Variants in OR10J1 observed in about 807,000 individuals in gnomAD.
The protein encoded by OR10J1 is olfactory receptor family 10 subfamily J member 1, also known as olfactory receptor 10J1.
For synonymous variants in OR10J1, 202 were observed against 143.8 expected (o/e 1.40, Z -2.89); for missense variants, 474 against 376.6 (o/e 1.26, Z -2.14).
chr1:159,406,416 G>A, the OR10J1 span: 2 of 386,940 alleles, frequency 5.2e-6, no homozygotes, highest in Admixed American at 2.9e-5. Flanking sequence ...AGACAGAGGT[G>A]AGGCTCCAAC....
chr1:159,412,156 A>T, the OR10J1 span, among the ~76,000 whole-genome samples: 2 of 152,046 alleles, frequency 1.3e-5, no homozygotes, highest in Non-Finnish European at 2.9e-5. Context: ...CTTCAAGGAG[A>T]ACTACAAACC....
chr1:159,433,203 A>G, upstream of OR10J1: 1 of 397,684 alleles, frequency 2.5e-6, no homozygotes. Context: ...TGAGAGGGAC[A>G]ATAAGATGAG....
chr1:159,423,002 C>A, the OR10J1 span, among the ~76,000 whole-genome samples: 1 of 152,142 alleles, frequency 6.6e-6, no homozygotes, highest in Admixed American at 6.5e-5. Flanking sequence ...TAATTATATA[C>A]TCACTAATTT....
At chr1:159,417,055 G>C in the OR10J1 span, among the ~76,000 whole-genome samples, 3 of 151,034 alleles carry the variant, frequency 2.0e-5, no homozygotes, top group Non-Finnish European at 3.0e-5. Flanking sequence ...TTGTTTTTTA[G>C]GTCTCTATTT....
rs1403857113 is a variant in OR10J1 at position 159,439,833 on chromosome 1, C to T, written c.42C>T (p.Phe14=). The T allele has an allele frequency of 6.2e-7, 1 of 1,614,038 alleles. No individual in the cohort carries two copies. Among genetic ancestry groups the T allele is most frequent in the African/African-American group, 1.3e-5 (1 of 74,910 alleles). Residue 14 remains phenylalanine, a synonymous_variant, in exon 1 of 1, where the codon TTC becomes TTT. Transcript: ENST00000423932. The part of the protein sequence containing the change: ...ENFTLITDFV[F]QGFSSFHEQQ... ...TTACTCTCATCACTGACTTTGTTTTCCAAGGTTTCTCTAGCTTCCATGAGC... is the reference window on the plus strand; with the variant it reads ...TTACTCTCATCACTGACTTTGTTTTTCAAGGTTTCTCTAGCTTCCATGAGC...
the OR10J1 span, among the ~76,000 whole-genome samples, chr1:159,416,075 T>C: frequency 6.6e-6 from 1 of 151,664 alleles, no homozygotes; most frequent in Non-Finnish European, 1.5e-5. Context: ...ATTTAAGAGG[T>C]TTTTTTTGGT....
chr1:159,413,723 A>C, the OR10J1 span, among the ~76,000 whole-genome samples: 1 of 151,310 alleles, frequency 6.6e-6, no homozygotes, highest in East Asian at 1.9e-4. Context: ...TAGCATTAGG[A>C]GATATACCTA....
At chr1:159,400,328 A>G in the OR10J1 span, among the ~76,000 whole-genome samples, 1 of 151,956 alleles carries the variant, frequency 6.6e-6, no homozygotes. Flanking sequence ...TTTGCCTACA[A>G]AAAACACTTC....
chr1:159,399,570 CAAAAAAAAAAAAAA>C, the OR10J1 span, among the ~76,000 whole-genome samples: 26 of 56,104 alleles, frequency 4.6e-4, no homozygotes, highest in African/African-American at 1.7e-3. Flanking sequence ...GATTCTGTCT[CAAAAAAAAAAAAAA>C]AAAAAAAAAA....
chr1:159,436,169 T>G (rs4128725), upstream of OR10J1, among the ~76,000 whole-genome samples: 1 of 151,976 alleles, frequency 6.6e-6, no homozygotes, highest in African/African-American at 2.4e-5. Context: ...CATAAAGTCT[T>G]GAGCTCTTTA....
chr1:159,399,402 C>T, the OR10J1 span, among the ~76,000 whole-genome samples: 15 of 151,656 alleles, frequency 9.9e-5, no homozygotes, highest in African/African-American at 3.6e-4. Flanking sequence ...AAACCCGTCT[C>T]TACTAAAAAA....
At chr1:159,405,624 G>A in the OR10J1 span, 1 of 415,322 alleles carries the variant, frequency 2.4e-6, no homozygotes, top group Non-Finnish European at 4.7e-6. Flanking sequence ...AGCCATAGTG[G>A]CTGATGACCA....
At chr1:159,412,740 GA>G in the OR10J1 span, among the ~76,000 whole-genome samples, 1 of 151,862 alleles carries the variant, frequency 6.6e-6, no homozygotes, top group African/African-American at 2.4e-5. Flanking sequence ...AACCCTAGAA[GA>G]AAACCTAGGC....
the OR10J1 span, among the ~76,000 whole-genome samples, chr1:159,424,916 A>G: frequency 6.6e-6 from 1 of 152,170 alleles, no homozygotes; most frequent in African/African-American, 2.4e-5. Flanking sequence ...GAAGAGTACC[A>G]TCATGTCACA....
At chr1:159,412,412 C>A in the OR10J1 span, among the ~76,000 whole-genome samples, 13 of 150,990 alleles carry the variant, frequency 8.6e-5, no homozygotes, top group African/African-American at 3.2e-4. Flanking sequence ...AAGCTGGAGG[C>A]ATCACGCTAC....
chr1:159,440,219 A>G lies in OR10J1; in HGVS notation c.428A>G (p.Gln143Arg), dbSNP rs544724072. ...MVIMNKRLRI[Q>R]LVLGACSIGL... ...ATTATGAACAAGAGGCTGCGTATCC[A>G]ACTTGTCCTGGGGGCCTGCAGCATT... Residue 143 changes from glutamine (Q) to arginine (R), a missense_variant, in exon 1 of 1, where the codon CAA (glutamine) becomes CGA (arginine). Coordinates refer to ENST00000423932, the MANE Select transcript of OR10J1 (RefSeq NM_012351.3). 3.0e-5 allele frequency: 48 copies of G among 1,614,140 alleles called. No individual in the cohort carries two copies. Among genetic ancestry groups the G allele is most frequent in the South Asian group, 2.5e-4 (23 of 91,084 alleles).
the OR10J1 span, among the ~76,000 whole-genome samples, chr1:159,417,756 G>A: frequency 1.3e-5 from 2 of 152,196 alleles, no homozygotes; most frequent in Non-Finnish European, 2.9e-5. Flanking sequence ...ACAGGCAGAG[G>A]TTGGAACAGT....
At chr1:159,403,626 A>G in the OR10J1 span, among the ~76,000 whole-genome samples, 1 of 152,174 alleles carries the variant, frequency 6.6e-6, no homozygotes. Flanking sequence ...AAATGCTGGC[A>G]TGGATGTGGA....
chr1:159,419,228 G>C, the OR10J1 span, among the ~76,000 whole-genome samples: 1 of 152,030 alleles, frequency 6.6e-6, no homozygotes, highest in Admixed American at 6.6e-5. Flanking sequence ...GATTTGGGAG[G>C]GTCCAGGGGC....
Sources: gnomAD v4.1 joint callset for allele counts (sites outside exome capture counted in the v4.1 genomes callset) on GRCh38, gnomAD v4.1.1 for gene constraint, MANE v1.5 for transcripts, NCBI Gene and HGNC (gene_info 2026-07-23, HGNC 2026-07-21) for gene names.